KCNMB2: variants seen among roughly 807,000 people sequenced by gnomAD.
KCNMB2 encodes the protein potassium calcium-activated channel subfamily M regulatory beta subunit 2, also known as calcium-activated potassium channel subunit beta-2.
KCNMB2 carries 9 observed loss-of-function variants against 24.5 expected under a neutral mutation model. The ratio of observed to expected loss-of-function variants is 0.37; its 90% CI spans 0.22 to 0.64. The LOEUF (loss-of-function observed/expected upper bound fraction) is 0.64. Ranked by LOEUF, KCNMB2 falls within the 30% of genes least tolerant of loss-of-function variation. The pLI is 0.63. For missense variants in KCNMB2, 226 were observed against 284.3 expected, an observed-to-expected ratio of 0.79 and a Z score of 1.47; for synonymous variants, 109 against 104.4, an observed-to-expected ratio of 1.04 and a Z score of -0.27.
chr3:178,761,665 T>C (rs1195304715), intron 1 of KCNMB2, among the ~76,000 whole-genome samples: 4 of 151,788 alleles, frequency 2.6e-5, no homozygotes, highest in African/African-American at 9.7e-5. Context: ...AGTAAAAGAG[T>C]CCTTTATGTT....
intron 1 of KCNMB2, among the ~76,000 whole-genome samples, chr3:178,677,005 A>T (rs1259897423): frequency 6.6e-6 from 1 of 152,150 alleles, no homozygotes; most frequent in Admixed American, 6.5e-5. Flanking sequence ...CAGCAGTCAG[A>T]GCCCAGAGCC....
chr3:178,670,688 G>T (rs1560158264), intron 1 of KCNMB2, among the ~76,000 whole-genome samples: 1 of 152,124 alleles, frequency 6.6e-6, no homozygotes, highest in Non-Finnish European at 1.5e-5. Context: ...TTGAATCCGG[G>T]CTTTGAACCA....
At chr3:178,798,269 G>T (rs1713633867) in intron 1 of KCNMB2, among the ~76,000 whole-genome samples, 1 of 152,176 alleles carries the variant, frequency 6.6e-6, no homozygotes, top group Admixed American at 6.5e-5. Flanking sequence ...TTGGCTGTGG[G>T]TTTGTCATAA....
intron 1 of KCNMB2, among the ~76,000 whole-genome samples, chr3:178,563,119 G>T (rs1716383490): frequency 6.6e-6 from 1 of 152,164 alleles, no homozygotes; most frequent in South Asian, 2.1e-4. Flanking sequence ...CCTTTAATTT[G>T]AAAAAGTGTA....
At chr3:178,810,798 G>C (rs1009031801) in intron 2 of KCNMB2, among the ~76,000 whole-genome samples, 1 of 151,602 alleles carries the variant, frequency 6.6e-6, no homozygotes. Flanking sequence ...GCAGTGGTGC[G>C]ATCTTGGCTC....
chr3:178,663,442 G>C (rs1214294556), intron 1 of KCNMB2, among the ~76,000 whole-genome samples: 1 of 152,038 alleles, frequency 6.6e-6, no homozygotes, highest in Non-Finnish European at 1.5e-5. Context: ...TTCCCATAAT[G>C]TTTTCTACAT....
At chr3:178,680,731 C>T (rs1041510632) in intron 1 of KCNMB2, among the ~76,000 whole-genome samples, 1 of 152,168 alleles carries the variant, frequency 6.6e-6, no homozygotes, top group Non-Finnish European at 1.5e-5. Context: ...ATTCAACAAC[C>T]TTGCTCAGTG....
intron 1 of KCNMB2, among the ~76,000 whole-genome samples, chr3:178,555,222 C>T (rs895940821): frequency 2.6e-5 from 4 of 152,202 alleles, no homozygotes; most frequent in African/African-American, 9.7e-5. Flanking sequence ...CTTACTCTTT[C>T]TCAATAAAAT....
At chr3:178,759,386 T>G (rs1711584747) in intron 1 of KCNMB2, among the ~76,000 whole-genome samples, 1 of 50,112 alleles carries the variant, frequency 2.0e-5, no homozygotes, top group Admixed American at 1.9e-4. Context: ...TATATATATA[T>G]ATATCTCTCC....
intron 1 of KCNMB2, among the ~76,000 whole-genome samples, chr3:178,614,335 A>G (rs113099218): frequency 5.8e-4 from 77 of 132,844 alleles, no homozygotes; most frequent in African/African-American, 1.6e-3. Flanking sequence ...ATATGTATGT[A>G]TATATATATA....
intron 1 of KCNMB2, among the ~76,000 whole-genome samples, chr3:178,560,337 G>C (rs1409577317): frequency 6.6e-6 from 1 of 152,148 alleles, no homozygotes; most frequent in African/African-American, 2.4e-5. Context: ...CTTTGTCTAA[G>C]AATCTGAGGT....
At chr3:178,693,512 G>C (rs2108331666) in intron 1 of KCNMB2, among the ~76,000 whole-genome samples, 1 of 152,164 alleles carries the variant, frequency 6.6e-6, no homozygotes, top group Non-Finnish European at 1.5e-5. Context: ...ATAATTATGT[G>C]GTTTTTGTCT....
At chr3:178,620,773 G>C (rs184825810) in intron 1 of KCNMB2, among the ~76,000 whole-genome samples, 1 of 152,150 alleles carries the variant, frequency 6.6e-6, no homozygotes, top group Non-Finnish European at 1.5e-5. Context: ...TCTAACTCCT[G>C]GCAATAAGAT....
At chr3:178,812,764 T>C (rs1026460142) in intron 2 of KCNMB2, among the ~76,000 whole-genome samples, 17 of 152,158 alleles carry the variant, frequency 1.1e-4, no homozygotes, top group Admixed American at 9.8e-4. Flanking sequence ...TATACATGGA[T>C]ATGTTTTTGA....
chr3:178,843,064 A>G lies in KCNMB2; in HGVS notation c.*127A>G. The G allele has an allele frequency of 1.3e-6, 1 of 751,384 alleles. No homozygotes were observed. The highest frequency in any genetic ancestry group is 2.7e-5 in the East Asian group (1 of 37,164). 46.5% of individuals were successfully genotyped at this position (751,384 alleles called of 1,614,324 possible). ...TTCCCTAATATATTCTTATATGTAG[A>G]GCAATAATGCAAAAGCTGTTCTATA... On this transcript the variant is annotated 3_prime_UTR_variant, in exon 5 of 5. Transcript: ENST00000452583.
At chr3:178,632,897 A>T (rs1719372416) in intron 1 of KCNMB2, among the ~76,000 whole-genome samples, 2 of 152,200 alleles carry the variant, frequency 1.3e-5, no homozygotes, top group South Asian at 4.1e-4. Context: ...GAGTACAGGT[A>T]TTGGGTCAAT....
chr3:178,817,215 A>G (rs1714436669), intron 2 of KCNMB2, among the ~76,000 whole-genome samples: 1 of 147,300 alleles, frequency 6.8e-6, no homozygotes, highest in Non-Finnish European at 1.5e-5. Context: ...CATGTTAATG[A>G]CATATATATA....
intron 4 of KCNMB2, among the ~76,000 whole-genome samples, chr3:178,838,469 C>T (rs1012553043): frequency 6.6e-6 from 1 of 151,748 alleles, no homozygotes; most frequent in Non-Finnish European, 1.5e-5. Flanking sequence ...GCACATTAAA[C>T]GTGGTTTACG....
intron 1 of KCNMB2, among the ~76,000 whole-genome samples, chr3:178,679,676 C>G (rs1394344990): frequency 1.3e-5 from 2 of 152,050 alleles, no homozygotes; most frequent in Non-Finnish European, 2.9e-5. Flanking sequence ...TCTTTGGAAA[C>G]AAAGAGAAGT....
Sources: allele counts gnomAD v4.1 joint callset (sites outside exome capture counted in the v4.1 genomes callset), GRCh38; gene constraint gnomAD v4.1.1; transcripts MANE v1.5; gene names NCBI Gene and HGNC (gene_info 2026-07-23, HGNC 2026-07-21).